Variants in CLEC12B observed in about 807,000 individuals in gnomAD.
CLEC12B encodes C-type lectin domain family 12 member B.
CLEC12B carries 25 observed loss-of-function variants against 36.1 expected under a neutral mutation model. That is an observed-to-expected ratio of 0.69 (90% CI 0.50 to 0.97). CLEC12B has a LOEUF of 0.97. CLEC12B is among the 50% of genes least tolerant of loss of function. CLEC12B has a pLI of 0.00. For synonymous variants in CLEC12B, 110 were observed against 108.5 expected (o/e 1.01, Z -0.09); for missense variants, 325 against 318.4 (o/e 1.02, Z -0.16).
In CLEC12B at chr12:10,015,738, A is replaced by G; in HGVS notation, c.680+11A>G. On this transcript the variant is annotated intron_variant, in intron 5 of 5. Transcript: ENST00000338896. ...TCCCTCTCCATCCTTGTACGTCTCT[A>G]ACTATTGAGGGTAAACACAAGCTTT... The G allele has an allele frequency of 3.1e-6, 5 of 1,613,172 alleles. No individual in the cohort carries two copies. The highest frequency in any genetic ancestry group is 4.2e-6 in the Non-Finnish European group (5 of 1,179,484).
At chr12:10,006,962 G>A (rs1008844715), upstream of CLEC12B, among the ~76,000 whole-genome samples, 3 of 152,066 alleles carry the variant, frequency 2.0e-5, no homozygotes, top group African/African-American at 4.8e-5. Flanking sequence ...GGCTGAGGCA[G>A]GGGAATGGCA....
intron 2 of CLEC12B, chr12:10,013,120 C>T (rs1236606463): frequency 2.0e-6 from 1 of 495,162 alleles, no homozygotes; most frequent in Non-Finnish European, 3.6e-6. Flanking sequence ...TAGACAAAGA[C>T]TCTTTGTTTC....
At chr12:10,012,426 G>C (rs1223570052) in intron 1 of CLEC12B, among the ~76,000 whole-genome samples, 1 of 152,078 alleles carries the variant, frequency 6.6e-6, no homozygotes, top group East Asian at 1.9e-4. Context: ...TATACTTTAA[G>C]TTTTAGGGTA....
chr12:10,008,920 T>G (rs913839426), upstream of CLEC12B, among the ~76,000 whole-genome samples: 4 of 152,148 alleles, frequency 2.6e-5, no homozygotes, highest in Non-Finnish European at 4.4e-5. Flanking sequence ...CCAGACTTCC[T>G]GAATCGAGTG....
chr12:10,015,910 C>T (rs900144832), intron 5 of CLEC12B, 183 bp downstream of exon 5: 4 of 1,400,598 alleles, frequency 2.9e-6, no homozygotes, highest in Middle Eastern at 2.6e-4. Flanking sequence ...AAATTTATAG[C>T]AAGGCACTGA....
rs141041901 is a variant in CLEC12B at position 10,017,608 on chromosome 12, C to A, written c.681-723C>A. On this transcript the variant is annotated intron_variant, in intron 5 of 5. Transcript: ENST00000338896. ...GAGACTGAGCTTCCAGATTGCATAG[C>A]CATTTCCTTGACTACTGAGTAAAGG... 7.7e-3 allele frequency: 7,544 copies of A among 985,794 alleles called. 36 individuals are homozygous for A. Among genetic ancestry groups the A allele is most frequent in the Non-Finnish European group, 8.7e-3 (7,259 of 829,930 alleles). 61.1% of individuals were successfully genotyped at this position (985,794 alleles called of 1,614,324 possible). A position where few individuals can be genotyped will look rare whatever the true frequency, so the allele number is the denominator to read the frequency against.
In CLEC12B at chr12:10,015,872, G is replaced by A; in HGVS notation, c.680+145G>A. On this transcript the variant is annotated intron_variant, in intron 5 of 5. Coordinates refer to ENST00000338896, the MANE Select transcript of CLEC12B (RefSeq NM_001129998.3). ...GAGCTCCAGTAACAAATATTGAAAG[G>A]AGGTATAGTTCATTTCATCTCTGTG... 6.1e-6 allele frequency: 9 copies of A among 1,475,954 alleles called. 1 individual carries two copies. Among genetic ancestry groups the A allele is most frequent in the Middle Eastern group, 2.2e-4 (1 of 4,562 alleles). The allele number at this position is 1,475,954 out of a possible 1,614,324, so 91.4% of individuals were successfully genotyped here.
rs1296550017 is a variant in CLEC12B, at chr12:10,015,665, A to G, written c.618A>G (p.Leu206=). Residue 206 remains leucine (L), a synonymous_variant, in exon 5 of 6, where the codon TTA becomes TTG. Coordinates refer to ENST00000338896, the MANE Select transcript of CLEC12B (RefSeq NM_001129998.3). ...LLMFSFFWLG[L]SWDSSGRSWF... ...TGTTTTCGTTCTTTTGGCTGGGATTATCATGGGACTCCTCTGGCAGAAGTT... is the reference window on the plus strand; with the variant it reads ...TGTTTTCGTTCTTTTGGCTGGGATTGTCATGGGACTCCTCTGGCAGAAGTT... The G allele has an allele frequency of 6.2e-7, 1 of 1,613,744 alleles. No individual in the cohort carries two copies. The highest frequency in any genetic ancestry group is 8.5e-7 in the Non-Finnish European group (1 of 1,179,728).
chr12:10,012,995 T>C, intron 2 of CLEC12B, 112 bp downstream of exon 2: 1 of 763,882 alleles, frequency 1.3e-6, no homozygotes, highest in Admixed American at 2.1e-5. Flanking sequence ...GTCTGATACT[T>C]TTCTGCTGTC....
chr12:10,011,445 T>A (rs1865325485), intron 1 of CLEC12B, among the ~76,000 whole-genome samples: 2 of 152,142 alleles, frequency 1.3e-5, no homozygotes, highest in Admixed American at 1.3e-4. Context: ...GTAATGAAAA[T>A]CCACAATAAT....
At position 10,018,493 on chromosome 12, in the gene CLEC12B, C is replaced by G; in HGVS notation, c.*12C>G. The G allele has an allele frequency of 6.5e-7, 1 of 1,546,316 alleles. No homozygotes were observed. Among genetic ancestry groups the G allele is most frequent in the Non-Finnish European group, 8.7e-7 (1 of 1,145,132 alleles). On this transcript the variant is annotated 3_prime_UTR_variant, in exon 6 of 6. Transcript: ENST00000338896. ...AGGATTTGGATTAGTATGCTTCTTC[C>G]AAATTCTCCAAGAAGTAAGAGACTT... is the stretch of plus-strand genomic sequence containing the variant.
chr12:10,015,793 T>C (rs1369627463), intron 5 of CLEC12B, 66 bp downstream of exon 5: 2 of 1,601,272 alleles, frequency 1.2e-6, no homozygotes, highest in Non-Finnish European at 1.7e-6. Flanking sequence ...TTAATAATGA[T>C]TGTGAGAATT....
intron 2 of CLEC12B, among the ~76,000 whole-genome samples, chr12:10,014,010 A>G (rs554885934): frequency 6.6e-6 from 1 of 152,310 alleles, no homozygotes; most frequent in African/African-American, 2.4e-5. Flanking sequence ...TGTGCTGATG[A>G]AGCACCTTAA....
chr12:10,016,951 CT>C (rs1239981525), intron 5 of CLEC12B: 7 of 978,018 alleles, frequency 7.2e-6, no homozygotes, highest in Middle Eastern at 5.2e-4. Flanking sequence ...ATCCACCCCC[CT>C]CCCTCCTGTT....
In CLEC12B at chr12:10,014,695, A is replaced by G; in HGVS notation, c.363A>G (p.Glu121=). Residue 121 remains glutamate, a synonymous_variant, in exon 3 of 6, where the codon GAA becomes GAG. Coordinates refer to ENST00000338896, the MANE Select transcript of CLEC12B (RefSeq NM_001129998.3). ...TCTCCAGTGTACTGAAGAGGCAGGA[A>G]CAAATGGCCATCAAACTGTGCCAAG... ...SQISSVLKRQ[E]QMAIKLCQEL... 1.2e-6 allele frequency: 2 copies of G among 1,613,704 alleles called. No individual in the cohort carries two copies. Among genetic ancestry groups the G allele is most frequent in the Non-Finnish European group, 1.7e-6 (2 of 1,179,670 alleles).
At position 10,010,682 on chromosome 12, in the gene CLEC12B, T is replaced by C; in HGVS notation, c.-78T>C. 1.1e-6 allele frequency: 1 copy of C among 933,794 alleles called. No individual in the cohort carries two copies. The highest frequency in any genetic ancestry group is 1.4e-5 in the South Asian group (1 of 70,754). The allele number at this position is 933,794 out of a possible 1,614,324, so 57.8% of individuals were successfully genotyped here. ...GTGACTACATCAAAGCTCCCAGCCT[T>C]GAAAAACACATGCTGTTCCCAGGCC... On this transcript the variant is annotated 5_prime_UTR_variant, in exon 1 of 6. Transcript: ENST00000338896.
At chr12:10,009,687 G>A (rs1865278659), upstream of CLEC12B, among the ~76,000 whole-genome samples, 1 of 152,020 alleles carries the variant, frequency 6.6e-6, no homozygotes, top group African/African-American at 2.4e-5. Context: ...ACAGCTGTGG[G>A]GTGAGTGCAC....
At chr12:10,006,391 A>G (rs779760954), upstream of CLEC12B, among the ~76,000 whole-genome samples, 2 of 152,164 alleles carry the variant, frequency 1.3e-5, no homozygotes, top group South Asian at 2.1e-4. Flanking sequence ...GCACGAATCT[A>G]TAAGAAATTA....
At chr12:10,016,052 T>C (rs1198149425) in intron 5 of CLEC12B, 1 of 926,446 alleles carries the variant, frequency 1.1e-6, no homozygotes, top group Non-Finnish European at 1.3e-6. Context: ...AATATTATAA[T>C]AGAGAGATTA....
Sources: gnomAD v4.1 joint callset for allele counts (sites outside exome capture counted in the v4.1 genomes callset) on GRCh38, gnomAD v4.1.1 for gene constraint, MANE v1.5 for transcripts, NCBI Gene and HGNC (gene_info 2026-07-23, HGNC 2026-07-21) for gene names.